SLCO3A1: variants seen among roughly 807,000 people sequenced by gnomAD.
SLCO3A1 encodes the protein PGE1 transporter.
A neutral mutation model predicts 63.1 loss-of-function variants in SLCO3A1; 27 were observed. The observed-to-expected ratio is 0.43, with a 90% confidence interval of 0.32 to 0.59. SLCO3A1 has a LOEUF of 0.59. Among genes scored for constraint, SLCO3A1 ranks in the 20% least tolerant of loss-of-function variants. The pLI is 0.09. For missense variants in SLCO3A1, 773 were observed against 945.8 expected (o/e 0.82, Z 2.40); for synonymous variants, 473 against 409.9 (o/e 1.15, Z -1.86).
Position 91,967,187 on chromosome 15 carries a change from T to C in SLCO3A1, c.646+50729T>C, listed in dbSNP as rs964433422. Among the ~76,000 whole-genome samples the C allele has an allele frequency of 6.6e-6, 1 of 152,202 alleles. No homozygotes were observed. Among genetic ancestry groups the C allele is most frequent in the Non-Finnish European group, 1.5e-5 (1 of 68,032 alleles). On this transcript the variant is annotated intron_variant, in intron 2 of 9. Coordinates refer to ENST00000318445, the MANE Select transcript of SLCO3A1 (RefSeq NM_013272.4). The surrounding 1 kb of genome is among the most constrained non-coding windows in gnomAD (Gnocchi z 4.4). ...CTAAAAAAACAAAAAGATTATTAGATGGTAGGAAACTATGTCTAAATAAAC... is the reference window on the plus strand; with the variant it reads ...CTAAAAAAACAAAAAGATTATTAGACGGTAGGAAACTATGTCTAAATAAAC...
intron 2 of SLCO3A1, among the ~76,000 whole-genome samples, chr15:92,031,917 G>A (rs150563359): frequency 3.9e-5 from 6 of 152,262 alleles, no homozygotes; most frequent in African/African-American, 9.6e-5. Flanking sequence ...ATCGTGGACC[G>A]TGCCACTCAC....
chr15:91,884,247 C>T (rs552326847), intron 1 of SLCO3A1, among the ~76,000 whole-genome samples: 3 of 152,252 alleles, frequency 2.0e-5, no homozygotes, highest in African/African-American at 7.2e-5. Flanking sequence ...CAATGGCTTA[C>T]GCCTGTAATC....
At position 91,886,562 on chromosome 15, in the gene SLCO3A1, C is replaced by T. The variant is rs1897729831; in HGVS notation, c.181-29431C>T. ...TCCAAAGAGAGATGGAAGATTCAGC[C>T]TCAGCGTCAGTGTTGTTTCTACGGT... On this transcript the variant is annotated intron_variant, in intron 1 of 9. Coordinates refer to ENST00000318445, the MANE Select transcript of SLCO3A1 (RefSeq NM_013272.4). This position sits in a 1 kb window ranked among gnomAD's most constrained non-coding sequence, Gnocchi z 4.9. 6.6e-6 allele frequency among the ~76,000 whole-genome samples: 1 copy of T among 152,152 alleles called. No individual in the cohort carries two copies. The highest frequency in any genetic ancestry group is 2.4e-5 in the African/African-American group (1 of 41,430).
At chr15:91,988,832 A>G (rs1041863567) in intron 2 of SLCO3A1, among the ~76,000 whole-genome samples, 4 of 152,220 alleles carry the variant, frequency 2.6e-5, no homozygotes, top group Non-Finnish European at 5.9e-5. Context: ...AGTTTCATAC[A>G]GTTAACGCAA....
intron 2 of SLCO3A1, among the ~76,000 whole-genome samples, chr15:92,005,474 G>A (rs1016540643): frequency 1.1e-4 from 16 of 152,180 alleles, no homozygotes; most frequent in African/African-American, 3.9e-4. Context: ...TGGGTCTGGC[G>A]GGTAGGTGAG....
rs1899607759 is a variant in SLCO3A1 at position 91,941,191 on chromosome 15, G to T, written c.646+24733G>T. ...TGTGGGCAGCACTGCTCCAGGGCAG[G>T]TGGAAAGTAGGCTTGTTTCACTGGC... On this transcript the variant is annotated intron_variant, in intron 2 of 9. Coordinates refer to ENST00000318445, the MANE Select transcript of SLCO3A1 (RefSeq NM_013272.4). The surrounding 1 kb of genome is among the most constrained non-coding windows in gnomAD (Gnocchi z 4.4). The T allele has an allele frequency of 6.0e-6, 1 of 165,658 alleles. No individual in the cohort carries two copies. Among genetic ancestry groups the T allele is most frequent in the Non-Finnish European group, 1.3e-5 (1 of 76,314 alleles). The allele number at this position is 165,658 out of a possible 1,614,324, so 10.3% of individuals were successfully genotyped here. A position where few individuals can be genotyped will look rare whatever the true frequency, so the allele number is the denominator to read the frequency against.
Position 92,104,409 on chromosome 15 carries a change from C to T in SLCO3A1, c.876C>T (p.His292=), listed in dbSNP as rs772405960. The change falls in exon 4 of 10, where the codon CAC becomes CAT. Residue 292 remains histidine, a synonymous_variant. Coordinates refer to ENST00000318445, the MANE Select transcript of SLCO3A1 (RefSeq NM_013272.4). ...MFGFPQSLPP[H]SEPAMESEQA... ...GGTTTCCACAGTCCCTGCCCCCGCA[C>T]TCAGAGCCCGCCATGGAAAGCGAGC... The T allele has an allele frequency of 9.9e-6, 16 of 1,614,188 alleles. No individual in the cohort carries two copies. The highest frequency in any genetic ancestry group is 3.3e-5 in the South Asian group (3 of 91,078).
chr15:92,073,560 G>C (rs943973332), intron 2 of SLCO3A1, among the ~76,000 whole-genome samples: 5 of 152,198 alleles, frequency 3.3e-5, no homozygotes, highest in Non-Finnish European at 7.3e-5. Context: ...ACAGATCCCA[G>C]TGAGCTCCCC....
intron 2 of SLCO3A1, among the ~76,000 whole-genome samples, chr15:92,049,827 G>T (rs1461136971): frequency 5.9e-5 from 9 of 152,162 alleles, no homozygotes; most frequent in Admixed American, 5.9e-4. Context: ...TTAAGGCCCA[G>T]CTAGGGAGGC....
At position 91,941,161 on chromosome 15, in the gene SLCO3A1, C is replaced by T. The variant is rs558862570; in HGVS notation, c.646+24703C>T. 9.0e-4 allele frequency among the ~76,000 whole-genome samples: 137 copies of T among 152,278 alleles called. No homozygotes were observed. The highest frequency in any genetic ancestry group is 2.0e-3 in the Admixed American group (30 of 15,294). Reference sequence around the variant, plus strand: ...AAATTAATTCTGTAGGCTCCCTTGCCTGGTTGTGGGCAGCACTGCTCCAGG... The same window carrying T: ...AAATTAATTCTGTAGGCTCCCTTGCTTGGTTGTGGGCAGCACTGCTCCAGG... On this transcript the variant is annotated intron_variant, in intron 2 of 9. Transcript: ENST00000318445. This position sits in a 1 kb window ranked among gnomAD's most constrained non-coding sequence, Gnocchi z 4.4.
At chr15:91,917,565 G>A (rs980267123) in intron 2 of SLCO3A1, among the ~76,000 whole-genome samples, 1 of 152,124 alleles carries the variant, frequency 6.6e-6, no homozygotes, top group Non-Finnish European at 1.5e-5. Flanking sequence ...CTGTGAGCAG[G>A]CTCTGGGCAG....
At chr15:91,905,388 T>C (rs1336861358) in intron 1 of SLCO3A1, among the ~76,000 whole-genome samples, 1 of 152,218 alleles carries the variant, frequency 6.6e-6, no homozygotes, top group African/African-American at 2.4e-5. Flanking sequence ...TAGTATAGCA[T>C]TGGACTTTAA....
rs935299180 is a variant in SLCO3A1 at position 92,162,914 on chromosome 15, T to G, written c.1912T>G (p.Phe638Val). 6 of 1,614,066 alleles carry G rather than the reference T, an allele frequency of 3.7e-6. No individual in the cohort carries two copies. Among genetic ancestry groups the G allele is most frequent in the Non-Finnish European group, 3.4e-6 (4 of 1,180,040 alleles). ...SIAIALKSFA[F>V]ILYTTTWQCL... ...CGCCATCGCGCTCAAATCCTTCGCC[T>G]TCATCCTGTACACCACCACGTGGCA... The change falls in exon 10 of 10, where the codon TTC (phenylalanine) becomes GTC (valine). Residue 638 changes from phenylalanine (F) to valine (V), a missense_variant. Physicochemically the swap from Phe to Val is conservative, Grantham distance 50 (BLOSUM62 -1). Transcript: ENST00000318445.
intron 2 of SLCO3A1, among the ~76,000 whole-genome samples, chr15:91,996,928 A>G (rs925554106): frequency 6.6e-6 from 1 of 152,220 alleles, no homozygotes; most frequent in African/African-American, 2.4e-5. Context: ...TCTTAATGTA[A>G]TCTAACTGGA....
intron 2 of SLCO3A1, among the ~76,000 whole-genome samples, chr15:91,983,856 A>T (rs768413782): frequency 2.6e-5 from 4 of 152,236 alleles, no homozygotes; most frequent in African/African-American, 9.6e-5. Flanking sequence ...TATTCAACCC[A>T]TGTCACATTC....
intron 2 of SLCO3A1, among the ~76,000 whole-genome samples, chr15:92,058,986 C>T (rs1343655787): frequency 1.3e-5 from 2 of 152,234 alleles, no homozygotes; most frequent in Non-Finnish European, 2.9e-5. Flanking sequence ...ATTTCATCTT[C>T]AGTGACTCTT....
intron 2 of SLCO3A1, among the ~76,000 whole-genome samples, chr15:92,040,295 A>G (rs1454607322): frequency 1.3e-5 from 2 of 152,224 alleles, no homozygotes; most frequent in African/African-American, 4.8e-5. Flanking sequence ...TAATCTTTTC[A>G]AGAAAGCCAA....
chr15:92,162,845 G>C lies in SLCO3A1; in HGVS notation c.1843G>C (p.Val615Leu), dbSNP rs375733540. 6.2e-6 allele frequency: 10 copies of C among 1,614,036 alleles called. No individual in the cohort carries two copies. Among genetic ancestry groups the C allele is most frequent in the Non-Finnish European group, 8.5e-6 (10 of 1,180,042 alleles). Reference sequence around the variant, plus strand: ...GTTCTGTGGGGAGCAAGGCGCCTGCGTCCTCTACGACAATGTGGTCTACCG... The same window carrying C: ...GTTCTGTGGGGAGCAAGGCGCCTGCCTCCTCTACGACAATGTGGTCTACCG... The part of the protein sequence containing the change: ...STFCGEQGAC[V>L]LYDNVVYRYL... Residue 615 changes from valine to leucine, a missense_variant, in exon 10 of 10, where the codon GTC (valine) becomes CTC (leucine). Physicochemically the swap from Val to Leu is conservative, Grantham distance 32. Around this residue, in one of 3 missense-constraint regions of SLCO3A1, gnomAD observed 139 missense variants for 131.4 expected, o/e 1.06. Coordinates refer to ENST00000318445, the MANE Select transcript of SLCO3A1 (RefSeq NM_013272.4).
At chr15:91,929,236 T>A (rs1899137917) in intron 2 of SLCO3A1, among the ~76,000 whole-genome samples, 1 of 151,972 alleles carries the variant, frequency 6.6e-6, no homozygotes, top group South Asian at 2.1e-4. Context: ...GGATTGGGAG[T>A]GGCAAAGGCA....
Sources: gnomAD v4.1 joint callset for allele counts (sites outside exome capture counted in the v4.1 genomes callset) on GRCh38, gnomAD v4.1.1 for gene constraint, gnomAD v4.1.1 regional missense constraint, Gnocchi (gnomAD v3.1) non-coding constraint, MANE v1.5 for transcripts, NCBI Gene and HGNC (gene_info 2026-07-23, HGNC 2026-07-21) for gene names.